The following LRP1B variants were observed in gnomAD, a reference collection of about 807,000 sequenced individuals.
The protein encoded by LRP1B is low-density lipoprotein receptor-related protein 1B.
In LRP1B, 217 loss-of-function variants were observed where a neutral mutation model predicts 556.6. That is an observed-to-expected ratio of 0.39 (90% CI 0.35 to 0.44). LRP1B has a LOEUF of 0.44. Among genes scored for constraint, LRP1B ranks in the 20% least tolerant of loss-of-function variants. LRP1B has a pLI of 1.00. For missense variants in LRP1B, 5,053 were observed against 5,620.8 expected (o/e 0.90, Z 3.23); for synonymous variants, 2,047 against 1,865.8 (o/e 1.10, Z -2.50).
intron 35 of LRP1B, among the ~76,000 whole-genome samples, chr2:140,724,372 C>CA (rs1302123922): frequency 4.6e-5 from 7 of 151,828 alleles, no homozygotes; most frequent in African/African-American, 1.7e-4. Context: ...ATATACAGAA[C>CA]AAAAAATAAT....
chr2:141,819,056 T>A (rs905061153), intron 1 of LRP1B, among the ~76,000 whole-genome samples: 1 of 151,048 alleles, frequency 6.6e-6, no homozygotes, highest in African/African-American at 2.4e-5. Context: ...CTGACCAACA[T>A]GGTGAAACCC....
intron 57 of LRP1B, among the ~76,000 whole-genome samples, chr2:140,490,445 C>G (rs1198130946): frequency 6.6e-6 from 1 of 152,056 alleles, no homozygotes; most frequent in African/African-American, 2.4e-5. Flanking sequence ...GAGATTGTTA[C>G]TGACTACAAC....
At chr2:141,034,071 T>C (rs926082320) in intron 11 of LRP1B, among the ~76,000 whole-genome samples, 1 of 152,120 alleles carries the variant, frequency 6.6e-6, no homozygotes, top group Non-Finnish European at 1.5e-5. Context: ...AAAGAGTGCC[T>C]TAAGGCCTTT....
chr2:140,696,879 C>A (rs1686447966), intron 41 of LRP1B, among the ~76,000 whole-genome samples: 2 of 152,084 alleles, frequency 1.3e-5, no homozygotes, highest in Non-Finnish European at 2.9e-5. Flanking sequence ...GGACCACTGT[C>A]CTAAATGATC....
At chr2:141,087,887 T>TTTTAAC (rs111408034) in intron 7 of LRP1B, among the ~76,000 whole-genome samples, 130,067 of 152,048 alleles carry the variant, frequency 0.86, 55,938 homozygotes, top group Non-Finnish European at 0.89. Context: ...TATGCCTCAT[T>TTTTAAC]TGTTGTCTCA....
chr2:140,637,984 C>G (rs1044869116), intron 41 of LRP1B, among the ~76,000 whole-genome samples: 2 of 152,068 alleles, frequency 1.3e-5, no homozygotes, highest in Non-Finnish European at 2.9e-5. Flanking sequence ...ATAAATGCAA[C>G]CAAAAAGATA....
intron 2 of LRP1B, among the ~76,000 whole-genome samples, chr2:141,558,981 C>T (rs960808510): frequency 5.3e-5 from 8 of 151,264 alleles, no homozygotes; most frequent in African/African-American, 1.9e-4. Context: ...AGTCTTGCTC[C>T]TAACTTTAGC....
At chr2:141,182,955 A>G in intron 7 of LRP1B, among the ~76,000 whole-genome samples, 1 of 151,966 alleles carries the variant, frequency 6.6e-6, no homozygotes, top group East Asian at 1.9e-4. Context: ...TGAGGACCCT[A>G]CCTTCCAAGA....
Position 140,323,993 on chromosome 2 carries a change from A to G in LRP1B, c.12414T>C (p.Phe4138=), listed in dbSNP as rs2105059366. 2 of 1,609,508 alleles carry G rather than the reference A, an allele frequency of 1.2e-6. No homozygotes were observed. The highest frequency in any genetic ancestry group is 1.7e-6 in the Non-Finnish European group (2 of 1,176,324). Residue 4138 remains phenylalanine, a synonymous_variant, in exon 81 of 91, where the codon TTT becomes TTC. Coordinates refer to ENST00000389484, the MANE Select transcript of LRP1B (RefSeq NM_018557.3). ...IYGAGPKNGV[F]RVQKFGHGSV... ...AACCATGGCCAAATTTTTGAACTCG[A>G]AATACACCATTTTTAGGTCCTGCTC...
intron 2 of LRP1B, among the ~76,000 whole-genome samples, chr2:141,739,500 A>G (rs1255972265): frequency 2.6e-5 from 4 of 152,052 alleles, no homozygotes; most frequent in Non-Finnish European, 5.9e-5. Context: ...GTGGTTTTCA[A>G]TTCTGTTTCT....
intron 56 of LRP1B, 22 bp from the exon 57 acceptor site, chr2:140,492,715 A>G (rs1318201225): frequency 1.3e-6 from 2 of 1,497,706 alleles, no homozygotes; most frequent in South Asian, 1.1e-5. Flanking sequence ...CACAAATAAC[A>G]TATTAGACTT....
intron 41 of LRP1B, among the ~76,000 whole-genome samples, chr2:140,646,278 A>C (rs17202019): frequency 0.062 from 9,435 of 152,276 alleles, 339 homozygotes; most frequent in Admixed American, 0.079. Context: ...GGTCTGTGAC[A>C]ATCCATTAAA....
At chr2:140,858,439 A>G (rs541428486) in intron 27 of LRP1B, among the ~76,000 whole-genome samples, 1 of 150,114 alleles carries the variant, frequency 6.7e-6, no homozygotes, top group Admixed American at 6.7e-5. Flanking sequence ...TATAACCTCT[A>G]TCCTACATTA....
At chr2:141,782,514 C>CTTTTTTTTTTTTTTTTTT (rs5834867) in intron 2 of LRP1B, among the ~76,000 whole-genome samples, 1 of 97,862 alleles carries the variant, frequency 1.0e-5, no homozygotes, top group Non-Finnish European at 1.9e-5. Flanking sequence ...TTCTATTTTC[C>CTTTTTTTTTTTTTTTTTT]TTTTTTTTTT....
At chr2:141,122,304 G>C (rs1003311574) in intron 7 of LRP1B, among the ~76,000 whole-genome samples, 1 of 151,900 alleles carries the variant, frequency 6.6e-6, no homozygotes, top group African/African-American at 2.4e-5. Context: ...TACCATCAGA[G>C]TGAACAGGCA....
In LRP1B at chr2:140,475,312, C is replaced by T. The variant is rs1687927979; in HGVS notation, c.9451G>A (p.Glu3151Lys). The change falls in exon 60 of 91, where the codon GAG (glutamate) becomes AAG (lysine). Residue 3151 changes from glutamate (E) to lysine (K), a missense_variant. By Grantham distance (56) the Glu-to-Lys change is moderately conservative. Coordinates refer to ENST00000389484, the MANE Select transcript of LRP1B (RefSeq NM_018557.3). ...CCAACACGGCCAATATGAGGATACT[C>T]GCAGCAGTCAATCCAATACAAATAT... ...AGYLYWIDCC[E>K]YPHIGRVGMD... 1 of 1,605,758 alleles carries T rather than the reference C, an allele frequency of 6.2e-7. No homozygotes were observed. The highest frequency in any genetic ancestry group is 8.5e-7 in the Non-Finnish European group (1 of 1,175,170).
intron 3 of LRP1B, among the ~76,000 whole-genome samples, chr2:141,404,850 C>A (rs1269437602): frequency 6.6e-6 from 1 of 150,912 alleles, no homozygotes; most frequent in East Asian, 1.9e-4. Flanking sequence ...TTCTAATTTT[C>A]ATTTTGGGCA....
chr2:141,102,227 TATC>T (rs1700479025), intron 7 of LRP1B, among the ~76,000 whole-genome samples: 1 of 152,128 alleles, frequency 6.6e-6, no homozygotes, highest in Non-Finnish European at 1.5e-5. Context: ...ATAGGATATA[TATC>T]ATTAGTTACT....
chr2:140,292,461 C>T (rs533756784), intron 84 of LRP1B, among the ~76,000 whole-genome samples: 17 of 152,092 alleles, frequency 1.1e-4, no homozygotes, highest in Non-Finnish European at 2.2e-4. Flanking sequence ...TATGCTGCTC[C>T]CCCTTGCTAC....
Sources: gnomAD v4.1 joint callset for allele counts (sites outside exome capture counted in the v4.1 genomes callset) on GRCh38, gnomAD v4.1.1 for gene constraint, MANE v1.5 for transcripts, NCBI Gene and HGNC (gene_info 2026-07-23, HGNC 2026-07-21) for gene names.